The following HERC1 variants were observed in gnomAD, a reference collection of about 807,000 sequenced individuals.
HERC1 encodes HECT and RLD domain containing E3 ubiquitin protein ligase family member 1.
Under a neutral mutation model 554.3 loss-of-function variants are expected in HERC1, and 160 were observed. The ratio of observed to expected loss-of-function variants is 0.29; its 90% confidence interval spans 0.25 to 0.33. The LOEUF (loss-of-function observed/expected upper bound fraction) is 0.33, where lower values mean the gene tolerates loss of function less well. HERC1 is among the 10% of genes least tolerant of loss of function. HERC1 has a pLI of 1.00. For synonymous variants in HERC1, 2,175 were observed against 2,131.7 expected (o/e 1.02, Z -0.56); for missense variants, 4,919 against 5,918.5 (o/e 0.83, Z 5.54).
At position 63,775,770 on chromosome 15, in the gene HERC1, G is replaced by A. The variant is rs1453710619; in HGVS notation, c.-26-121C>T. ...TGGTGAAATGCAGCCGGGTGCGGTG[G>A]CTCACGCCTGTAATCCCAACACTTT... On this transcript the variant is annotated intron_variant, in intron 1 of 77. Coordinates refer to ENST00000443617, the MANE Select transcript of HERC1 (RefSeq NM_003922.4). This position sits in a 1 kb window ranked among gnomAD's most constrained non-coding sequence, Gnocchi z 4.0. 3 of 695,908 alleles carry A rather than the reference G, an allele frequency of 4.3e-6. No homozygotes were observed. The highest frequency in any genetic ancestry group is 3.6e-5 in the African/African-American group (2 of 55,376). The allele number at this position is 695,908 out of a possible 1,614,324, so 43.1% of individuals were successfully genotyped here.
chr15:63,612,628 T>C lies in HERC1; in HGVS notation c.14095-72A>G, dbSNP rs993086464. 2 of 1,474,672 alleles carry C rather than the reference T, an allele frequency of 1.4e-6. No homozygotes were observed. Among genetic ancestry groups the C allele is most frequent in the Non-Finnish European group, 1.8e-6 (2 of 1,083,444 alleles). The allele number at this position is 1,474,672 out of a possible 1,614,324, so 91.3% of individuals were successfully genotyped here. A position where few individuals can be genotyped will look rare whatever the true frequency, so the allele number is the denominator to read the frequency against. ...GCACCCACCAAGGGCCCTGTGGGGC[T>C]AGGCGCCTCCTGATGCCTGCTCGTC... On this transcript the variant is annotated intron_variant, in intron 76 of 77. Coordinates refer to ENST00000443617, the MANE Select transcript of HERC1 (RefSeq NM_003922.4). The surrounding 1 kb of genome is among the most constrained non-coding windows in gnomAD (Gnocchi z 5.0).
chr15:63,683,741 T>C (rs1282122578), intron 34 of HERC1, among the ~76,000 whole-genome samples: 5 of 152,190 alleles, frequency 3.3e-5, no homozygotes, highest in Non-Finnish European at 7.4e-5. Flanking sequence ...TTCAAACTCC[T>C]GGGCTCAAGC....
intron 2 of HERC1, among the ~76,000 whole-genome samples, chr15:63,767,008 T>C (rs1391731666): frequency 1.6e-5 from 2 of 123,860 alleles, no homozygotes; most frequent in Non-Finnish European, 3.3e-5. Flanking sequence ...TTTTCATTTG[T>C]TTTTTTTTTT....
At position 63,795,507 on chromosome 15, in the gene HERC1, A is replaced by T. The variant is rs570086344; in HGVS notation, c.-26-19858T>A. Among the ~76,000 whole-genome samples, 7 of 152,324 alleles carry T rather than the reference A, an allele frequency of 4.6e-5. No homozygotes were observed. The East Asian group carries it at 1.3e-3, about 29-fold the overall frequency. On this transcript the variant is annotated intron_variant, in intron 1 of 77. Coordinates refer to ENST00000443617, the MANE Select transcript of HERC1 (RefSeq NM_003922.4). The stretch of plus-strand genomic sequence containing the variant: ...TTTTAAGTGGCTTGATTTTATTTTC[A>T]ATCAAATAGAAAAGCTCTGATACAA...
Position 63,674,979 on chromosome 15 carries a change from A to AT in HERC1, c.7208dup (p.His2403GlnfsTer2). 6.2e-7 allele frequency: 1 copy of AT among 1,614,004 alleles called. No individual in the cohort carries two copies. The highest frequency in any genetic ancestry group is 8.5e-7 in the Non-Finnish European group (1 of 1,179,890). ...TGGTGCTCTGTTTGCCCATGTCTTC[A>AT]TGAACGCCAGTGAGATATGTTAGGT... On this transcript the variant is annotated frameshift_variant, in exon 38 of 78. Coordinates refer to ENST00000443617, the MANE Select transcript of HERC1 (RefSeq NM_003922.4). LOFTEE classifies it high-confidence loss of function.
At chr15:63,804,415 T>C (rs546505217) in intron 1 of HERC1, among the ~76,000 whole-genome samples, 15 of 151,916 alleles carry the variant, frequency 9.9e-5, no homozygotes, top group African/African-American at 3.1e-4. Context: ...GTGAAACCCG[T>C]CTCTACTAAA....
intron 1 of HERC1, among the ~76,000 whole-genome samples, chr15:63,813,311 GACACACACACACACAC>G (rs10534978): frequency 4.1e-4 from 57 of 139,602 alleles, no homozygotes; most frequent in African/African-American, 1.0e-3. Flanking sequence ...ATCAGAGATG[GACACACACACACACAC>G]ACACACACAC....
At chr15:63,645,393 T>C (rs2069284350) in intron 56 of HERC1, 90 bp downstream of exon 56, 1 of 948,340 alleles carries the variant, frequency 1.1e-6, no homozygotes, top group Non-Finnish European at 1.6e-6. Context: ...CAATAAACTC[T>C]TTAAGACTAC....
intron 68 of HERC1, 42 bp downstream of exon 68, chr15:63,632,667 T>A (rs1379232938): frequency 7.8e-7 from 1 of 1,284,048 alleles, no homozygotes; most frequent in African/African-American, 1.5e-5. Context: ...CCAATGTTTA[T>A]AATGATGTGT....
Position 63,612,194 on chromosome 15 carries a change from A to T in HERC1, c.14400+57T>A, listed in dbSNP as rs2067631819. 1.4e-5 allele frequency: 20 copies of T among 1,458,602 alleles called. No homozygotes were observed. In the South Asian group the frequency reaches 2.5e-4, roughly 18 times the overall value. 90.4% of individuals were successfully genotyped at this position (1,458,602 alleles called of 1,614,324 possible). ...CAGAGTGAGACCCTGTCTCAACAAA[A>T]ACAACAATGAAGCAATAAGGCAGAC... On this transcript the variant is annotated intron_variant, in intron 77 of 77. Coordinates refer to ENST00000443617, the MANE Select transcript of HERC1 (RefSeq NM_003922.4). This position sits in a 1 kb window ranked among gnomAD's most constrained non-coding sequence, Gnocchi z 5.0.
intron 43 of HERC1, among the ~76,000 whole-genome samples, chr15:63,663,531 C>A (rs2070460966): frequency 6.6e-6 from 1 of 152,246 alleles, no homozygotes; most frequent in Admixed American, 6.5e-5. Flanking sequence ...TCCCAGCTCA[C>A]TGTAACCCTG....
intron 1 of HERC1, among the ~76,000 whole-genome samples, chr15:63,828,175 C>T (rs567916975): frequency 6.6e-6 from 1 of 151,990 alleles, no homozygotes; most frequent in East Asian, 1.9e-4. Flanking sequence ...TAAGAGAACA[C>T]CCACATATAT....
chr15:63,620,562 T>A (rs1263302270), intron 74 of HERC1, among the ~76,000 whole-genome samples: 3 of 152,200 alleles, frequency 2.0e-5, no homozygotes, highest in Non-Finnish European at 4.4e-5. Context: ...TAACTTTCTA[T>A]CTCGTTGATC....
At chr15:63,618,410 G>C (rs2067918396) in intron 74 of HERC1, among the ~76,000 whole-genome samples, 1 of 151,988 alleles carries the variant, frequency 6.6e-6, no homozygotes, top group Non-Finnish European at 1.5e-5. Context: ...CTGTAGCCTT[G>C]GAGTATAGTT....
At chr15:63,759,006 G>A (rs964981189) in intron 3 of HERC1, among the ~76,000 whole-genome samples, 1 of 151,994 alleles carries the variant, frequency 6.6e-6, no homozygotes, top group Non-Finnish European at 1.5e-5. Context: ...TGAGATTACA[G>A]GCATGCAAGT....
chr15:63,696,553 T>G (rs1162923041), intron 26 of HERC1, among the ~76,000 whole-genome samples: 1 of 152,132 alleles, frequency 6.6e-6, no homozygotes, highest in Non-Finnish European at 1.5e-5. Flanking sequence ...TAGAGTACAA[T>G]AGGAAAAGTA....
At chr15:63,784,813 G>C (rs2076390336) in intron 1 of HERC1, among the ~76,000 whole-genome samples, 1 of 152,188 alleles carries the variant, frequency 6.6e-6, no homozygotes, top group Non-Finnish European at 1.5e-5. Context: ...GTTTCACTGT[G>C]TTGGCCAGGA....
At chr15:63,804,416 C>G (rs1317325982) in intron 1 of HERC1, among the ~76,000 whole-genome samples, 3 of 151,924 alleles carry the variant, frequency 2.0e-5, no homozygotes, top group Non-Finnish European at 4.4e-5. Context: ...TGAAACCCGT[C>G]TCTACTAAAA....
At position 63,674,440 on chromosome 15, in the gene HERC1, G is replaced by A. The variant is rs770415481; in HGVS notation, c.7748C>T (p.Ala2583Val). Residue 2583 changes from alanine (A) to valine (V), a missense_variant, in exon 38 of 78, where the codon GCA becomes GTA. Physicochemically the swap from Ala to Val is moderately conservative, Grantham distance 64. This residue lies in a region of HERC1 where 1,963 missense variants were observed against 2,228.6 expected (regional missense o/e 0.88). Transcript: ENST00000443617. The part of the protein sequence containing the change: ...RAVMRSPIKR[A>V]LGLADLERAQ... ...TCGTTCCAGATCAGCTAATCCCAAT[G>A]CTCTCTTTATGGGTGACCGCATGAC... 5 of 1,613,820 alleles carry A rather than the reference G, an allele frequency of 3.1e-6. No homozygotes were observed. Among genetic ancestry groups the A allele is most frequent in the Non-Finnish European group, 4.2e-6 (5 of 1,179,850 alleles).
Sources: allele counts gnomAD v4.1 joint callset (sites outside exome capture counted in the v4.1 genomes callset), GRCh38; gene constraint gnomAD v4.1.1; regional missense constraint gnomAD v4.1.1; non-coding constraint Gnocchi (gnomAD v3.1); transcripts MANE v1.5; gene names NCBI Gene and HGNC (gene_info 2026-07-23, HGNC 2026-07-21).